LARP1: variants seen among roughly 807,000 people sequenced by gnomAD.
LARP1 encodes the protein la-related protein 1.
LARP1 carries 36 observed loss-of-function variants against 122.7 expected under a neutral mutation model. The observed-to-expected ratio is 0.29, with a 90% CI of 0.22 to 0.39. The LOEUF (loss-of-function observed/expected upper bound fraction) is 0.39, where lower values mean the gene tolerates loss of function less well. Among genes scored for constraint, LARP1 ranks in the 10% least tolerant of loss-of-function variants. The probability of loss-of-function intolerance (pLI) is 1.00; values close to 1 mark genes in which losing one functional copy is unlikely to be tolerated. For synonymous variants in LARP1, 539 were observed against 528.7 expected (o/e 1.02, Z -0.27); for missense variants, 1,040 against 1,403.6 (o/e 0.74, Z 4.14).
rs1753840746 is a variant in LARP1 at position 154,755,911 on chromosome 5, A to G, written c.154A>G (p.Ser52Gly). The G allele has an allele frequency of 5.0e-6, 5 of 1,005,770 alleles. No homozygotes were observed. The highest frequency in any genetic ancestry group is 5.9e-6 in the Non-Finnish European group (5 of 842,412). The allele number at this position is 1,005,770 out of a possible 1,614,324, so 62.3% of individuals were successfully genotyped here. A position where few individuals can be genotyped will look rare whatever the true frequency, so the allele number is the denominator to read the frequency against. ...NDVRGGEPDG[S>G]ARRPRPPCAK... ...CGTCCGCGGGGGGGAGCCGGACGGC[A>G]GCGCTCGGAGACCCCGGCCGCCCTG... The change falls in exon 1 of 19, where the codon AGC (serine) becomes GGC (glycine). Residue 52 changes from serine to glycine, a missense_variant. Coordinates refer to ENST00000518297, the MANE Select transcript of LARP1 (RefSeq NM_033551.3).
intron 15 of LARP1, among the ~76,000 whole-genome samples, chr5:154,806,380 T>C (rs1431373772): frequency 1.3e-5 from 2 of 152,236 alleles, no homozygotes; most frequent in Non-Finnish European, 2.9e-5. Context: ...AGGTGACATA[T>C]GCTCTCTAGA....
intron 1 of LARP1, among the ~76,000 whole-genome samples, chr5:154,771,958 G>A (rs1358399485): frequency 3.9e-5 from 6 of 152,282 alleles, no homozygotes; most frequent in African/African-American, 1.4e-4. Flanking sequence ...AACTTCTTTC[G>A]AAGGGGAAAT....
chr5:154,816,043 TACCTTGGGC>T lies in LARP1; in HGVS notation c.*1954_*1962del, dbSNP rs1215364555. The T allele has an allele frequency of 9.2e-5, 14 of 152,552 alleles. No individual in the cohort carries two copies. The highest frequency in any genetic ancestry group is 3.4e-4 in the African/African-American group (14 of 41,462). 9.4% of individuals were successfully genotyped at this position (152,552 alleles called of 1,614,324 possible). On this transcript the variant is annotated 3_prime_UTR_variant, in exon 19 of 19. Transcript: ENST00000518297. ...CCCAGGCTGACAAGGGCTTGCCCTT[TACCTTGGGC>T]ACCTTGTTAATTTTTAGCCTGTGCC...
chr5:154,786,129 G>GC (rs1365795418), intron 1 of LARP1, among the ~76,000 whole-genome samples: 2 of 151,800 alleles, frequency 1.3e-5, no homozygotes, highest in African/African-American at 2.4e-5. Context: ...TGCAACCTCC[G>GC]CCTCCCGGGT....
intron 1 of LARP1, among the ~76,000 whole-genome samples, chr5:154,721,346 CAA>C (rs70981943): frequency 1.6e-5 from 2 of 126,934 alleles, no homozygotes; most frequent in African/African-American, 5.8e-5. Flanking sequence ...GACTCCGTCT[CAA>C]AAAAAAAAAA....
At chr5:154,770,076 T>G (rs1471666014) in intron 1 of LARP1, among the ~76,000 whole-genome samples, 1 of 152,042 alleles carries the variant, frequency 6.6e-6, no homozygotes, top group Non-Finnish European at 1.5e-5. Context: ...TCACCTGATT[T>G]CTGCTTTAGG....
At chr5:154,779,974 A>G (rs1582388518) in intron 1 of LARP1, among the ~76,000 whole-genome samples, 1 of 152,216 alleles carries the variant, frequency 6.6e-6, no homozygotes, top group African/African-American at 2.4e-5. Flanking sequence ...AGCATATGAC[A>G]CTGAAGGAGC....
chr5:154,737,246 G>A (rs1375774804), intron 1 of LARP1, among the ~76,000 whole-genome samples: 5 of 151,630 alleles, frequency 3.3e-5, no homozygotes, highest in Non-Finnish European at 2.9e-5. Flanking sequence ...TCACCATGTT[G>A]GCCAGGATGG....
intron 1 of LARP1, among the ~76,000 whole-genome samples, chr5:154,740,089 T>TAAA (rs11437990): frequency 1.6e-4 from 19 of 118,792 alleles, no homozygotes; most frequent in South Asian, 2.8e-4. Flanking sequence ...ACACAAACAT[T>TAAA]AAAAAAAAAA....
At chr5:154,762,170 G>A (rs1393528800) in intron 1 of LARP1, among the ~76,000 whole-genome samples, 2 of 152,192 alleles carry the variant, frequency 1.3e-5, no homozygotes, top group African/African-American at 4.8e-5. Context: ...TCGAACCGGG[G>A]AGGCGGAGGT....
intron 1 of LARP1, among the ~76,000 whole-genome samples, chr5:154,759,540 G>T (rs904683386): frequency 6.6e-6 from 1 of 152,154 alleles, no homozygotes; most frequent in African/African-American, 2.4e-5. Flanking sequence ...TTTTTAGTTT[G>T]CCTTTTGTAA....
In LARP1 at chr5:154,814,879, CA is replaced by C. The variant is rs1326761098; in HGVS notation, c.*787del. The C allele has an allele frequency of 7.6e-6, 1 of 131,046 alleles. No individual in the cohort carries two copies. The highest frequency in any genetic ancestry group is 2.9e-5 in the African/African-American group (1 of 34,956). The allele number at this position is 131,046 out of a possible 1,614,324, so 8.1% of individuals were successfully genotyped here. On this transcript the variant is annotated 3_prime_UTR_variant, in exon 19 of 19. Coordinates refer to ENST00000518297, the MANE Select transcript of LARP1 (RefSeq NM_033551.3). Reference sequence around the variant, plus strand: ...AATGGGGAAAAAAGAAGAAAAAAGACAAAATCGACCATAAAAGACCAAAAAA... The same window carrying C: ...AATGGGGAAAAAAGAAGAAAAAAGACAAATCGACCATAAAAGACCAAAAAA...
At chr5:154,693,719 G>A (rs1481074902) in intron 1 of LARP1, among the ~76,000 whole-genome samples, 3 of 152,036 alleles carry the variant, frequency 2.0e-5, no homozygotes, top group African/African-American at 7.2e-5. Context: ...AGCCGGGCGT[G>A]GTGGCGGGCT....
At chr5:154,743,172 C>T (rs1251659949) in intron 1 of LARP1, among the ~76,000 whole-genome samples, 3 of 152,146 alleles carry the variant, frequency 2.0e-5, no homozygotes, top group Non-Finnish European at 2.9e-5. Flanking sequence ...GGAAACACTC[C>T]TTGAGAAGTC....
At chr5:154,779,152 T>A (rs533487846) in intron 1 of LARP1, among the ~76,000 whole-genome samples, 1 of 152,310 alleles carries the variant, frequency 6.6e-6, no homozygotes, top group East Asian at 1.9e-4. Flanking sequence ...CTAGCTGTCA[T>A]GGACCCCATT....
intron 1 of LARP1, chr5:154,685,852 G>T (rs1259241548): frequency 2.0e-6 from 1 of 510,442 alleles, no homozygotes; most frequent in Non-Finnish European, 3.9e-6. Context: ...TTGCTCTGTT[G>T]CCAGGCTTTG....
In LARP1 at chr5:154,698,584, C is replaced by T. The variant is rs1209454101; in HGVS notation, c.-180+15547C>T. On this transcript the variant is annotated intron_variant, in intron 1 of 18. Transcript: ENST00000687700. The stretch of plus-strand genomic sequence containing the variant: ...TGCACTCCAGCCTGGGCGACAAGAG[C>T]GAGGCTGTGTCTCAAAATAAATAAA... Among the ~76,000 whole-genome samples, 5 of 152,150 alleles carry T rather than the reference C, an allele frequency of 3.3e-5. No individual in the cohort carries two copies. In the South Asian group the frequency reaches 6.2e-4, roughly 19 times the overall value.
chr5:154,752,392 G>A (rs1198883737), upstream of LARP1, among the ~76,000 whole-genome samples: 1 of 151,772 alleles, frequency 6.6e-6, no homozygotes, highest in Admixed American at 6.6e-5. Flanking sequence ...ACAGGTGTGC[G>A]CCACCATGCC....
At position 154,783,100 on chromosome 5, in the gene LARP1, A is replaced by G. The variant is rs1442584527; in HGVS notation, c.437-7225A>G. ...CTGCCTCACCCTCCCTTCAGATGGT[A>G]TTGCTGCCTTCCACAGTCAGGGTCC... On this transcript the variant is annotated intron_variant, in intron 1 of 18. Coordinates refer to ENST00000518297, the MANE Select transcript of LARP1 (RefSeq NM_033551.3). Among the ~76,000 whole-genome samples the G allele has an allele frequency of 2.6e-5, 4 of 152,210 alleles. No homozygotes were observed. The South Asian group carries it at 8.3e-4, about 32-fold the overall frequency.
Sources: gnomAD v4.1 joint callset for allele counts (sites outside exome capture counted in the v4.1 genomes callset) on GRCh38, gnomAD v4.1.1 for gene constraint, MANE v1.5 for transcripts, NCBI Gene and HGNC (gene_info 2026-07-23, HGNC 2026-07-21) for gene names.